PPP1R12B: variants seen among roughly 807,000 people sequenced by gnomAD.
PPP1R12B encodes protein phosphatase 1 regulatory subunit 12B.
In PPP1R12B, 76 loss-of-function variants were observed where a neutral mutation model predicts 126.1. The observed-to-expected ratio is 0.60, with a 90% CI of 0.50 to 0.73. The LOEUF (loss-of-function observed/expected upper bound fraction) is 0.73, where lower values mean the gene tolerates loss of function less well. Among genes scored for constraint, PPP1R12B ranks in the 30% least tolerant of loss-of-function variants. The pLI, the probability that PPP1R12B is intolerant of heterozygous loss-of-function variation, is 0.00. For missense variants in PPP1R12B, 1,052 were observed against 1,205.1 expected (o/e 0.87, Z 1.88); for synonymous variants, 356 against 434.7 (o/e 0.82, Z 2.25).
intron 1 of PPP1R12B, among the ~76,000 whole-genome samples, chr1:202,399,314 G>A (rs1179369951): frequency 1.3e-5 from 2 of 152,064 alleles, no homozygotes; most frequent in African/African-American, 4.8e-5. Flanking sequence ...TCATTTTCCT[G>A]GGCCTAAGCG....
chr1:202,463,122 T>C, intron 13 of PPP1R12B: 1 of 938,142 alleles, frequency 1.1e-6, no homozygotes, highest in Non-Finnish European at 1.3e-6. Context: ...TTTGATAGCT[T>C]TAATGTCCTA....
At chr1:202,567,655 AG>A in intron 21 of PPP1R12B, 122 bp from the exon 22 acceptor site, 2 of 970,236 alleles carry the variant, frequency 2.1e-6, no homozygotes, top group South Asian at 1.6e-5. Flanking sequence ...TCCCTGCTAT[AG>A]GGGAAGTCCA....
At chr1:202,517,566 G>A (rs1682299235) in intron 18 of PPP1R12B, among the ~76,000 whole-genome samples, 1 of 151,840 alleles carries the variant, frequency 6.6e-6, no homozygotes, top group South Asian at 2.1e-4. Context: ...CAATTAACAT[G>A]CATAAGAAAA....
At chr1:202,359,378 C>T (rs1657733299) in intron 1 of PPP1R12B, among the ~76,000 whole-genome samples, 1 of 152,072 alleles carries the variant, frequency 6.6e-6, no homozygotes, top group Non-Finnish European at 1.5e-5. Context: ...GGTGATCCAC[C>T]TGCCTCAGCC....
chr1:202,475,899 T>C (rs1214123327), intron 13 of PPP1R12B, among the ~76,000 whole-genome samples: 1 of 152,018 alleles, frequency 6.6e-6, no homozygotes, highest in Non-Finnish European at 1.5e-5. Context: ...TGTAATCTTA[T>C]GTTAATACAC....
intron 1 of PPP1R12B, among the ~76,000 whole-genome samples, chr1:202,399,320 A>G (rs2148554291): frequency 6.6e-6 from 1 of 152,148 alleles, no homozygotes; most frequent in South Asian, 2.1e-4. Flanking sequence ...TCCTGGGCCT[A>G]AGCGATCCCC....
At chr1:202,378,104 C>G (rs939216926) in intron 1 of PPP1R12B, among the ~76,000 whole-genome samples, 1 of 152,070 alleles carries the variant, frequency 6.6e-6, no homozygotes, top group African/African-American at 2.4e-5. Context: ...TCCCAAAGTA[C>G]TGGGATTACA....
At chr1:202,351,283 G>A (rs565089392) in intron 1 of PPP1R12B, among the ~76,000 whole-genome samples, 1 of 119,556 alleles carries the variant, frequency 8.4e-6, no homozygotes, top group South Asian at 3.2e-4. Flanking sequence ...CTCCCAGGCT[G>A]GAGTACAGTG....
At position 202,562,908 on chromosome 1, in the gene PPP1R12B, A is replaced by C. The variant is rs1300680336; in HGVS notation, c.2638A>C (p.Arg880=). Residue 880 remains arginine (R), a synonymous_variant, in exon 20 of 24, where the codon AGA becomes CGA. Coordinates refer to ENST00000608999, the MANE Select transcript of PPP1R12B (RefSeq NM_002481.4). ...CAGCCGTGTAGAAGAAGACAGCAAC[A>C]GAGATTATAAAAAAGTAGGGTCTTT... ...LTSRVEEDSN[R]DYKKLYESAL... The C allele has an allele frequency of 6.3e-7, 1 of 1,575,742 alleles. No homozygotes were observed. Among genetic ancestry groups the C allele is most frequent in the African/African-American group, 1.4e-5 (1 of 72,634 alleles).
chr1:202,553,863 T>G (rs1373349173), intron 18 of PPP1R12B, among the ~76,000 whole-genome samples: 2 of 152,132 alleles, frequency 1.3e-5, no homozygotes, highest in Non-Finnish European at 2.9e-5. Flanking sequence ...ACTGTTCCCC[T>G]GAGATTACTT....
intron 3 of PPP1R12B, among the ~76,000 whole-genome samples, chr1:202,424,032 C>G (rs547771464): frequency 6.6e-6 from 1 of 152,172 alleles, no homozygotes; most frequent in African/African-American, 2.4e-5. Context: ...TAACCTCCAG[C>G]CTCAATCAGT....
chr1:202,349,336 G>T lies in PPP1R12B; in HGVS notation c.291+194G>T, dbSNP rs548941031. 2.0e-5 allele frequency among the ~76,000 whole-genome samples: 3 copies of T among 152,220 alleles called. No homozygotes were observed. The East Asian group carries it at 5.8e-4, about 29-fold the overall frequency. On this transcript the variant is annotated intron_variant, in intron 1 of 23. Coordinates refer to ENST00000608999, the MANE Select transcript of PPP1R12B (RefSeq NM_002481.4). ...TCTTTTTCTGACCCCAGGGTCTTAG[G>T]AATAGCGTCACCCCGCTGCTTGGTC...
At chr1:202,485,416 G>A (rs193220647) in intron 13 of PPP1R12B, among the ~76,000 whole-genome samples, 8 of 151,666 alleles carry the variant, frequency 5.3e-5, no homozygotes, top group Admixed American at 3.3e-4. Context: ...TGTGAGGGTG[G>A]GGGGCAGGGG....
intron 1 of PPP1R12B, among the ~76,000 whole-genome samples, chr1:202,354,164 C>T (rs1558118870): frequency 6.6e-6 from 1 of 152,056 alleles, no homozygotes; most frequent in African/African-American, 2.4e-5. Flanking sequence ...TGTAGTGTAG[C>T]ATCGTATGAG....
At chr1:202,440,564 T>C in intron 10 of PPP1R12B, 142 bp from the exon 11 acceptor site, 1 of 591,546 alleles carries the variant, frequency 1.7e-6, no homozygotes, top group East Asian at 3.0e-5. Flanking sequence ...TAACCTTTTG[T>C]AAATACCACT....
At chr1:202,354,775 G>T (rs1282939630) in intron 1 of PPP1R12B, among the ~76,000 whole-genome samples, 1 of 150,932 alleles carries the variant, frequency 6.6e-6, no homozygotes, top group Non-Finnish European at 1.5e-5. Flanking sequence ...AGCCTCCTGA[G>T]TAGCTGGGAT....
At chr1:202,439,551 A>C (rs1572030784) in intron 10 of PPP1R12B, 1 of 1,506,124 alleles carries the variant, frequency 6.6e-7, no homozygotes, top group Non-Finnish European at 9.1e-7. Flanking sequence ...CTCTGTGGTC[A>C]CTCCTGCCAG....
chr1:202,425,834 T>C, intron 4 of PPP1R12B, 109 bp downstream of exon 4: 2 of 1,081,860 alleles, frequency 1.8e-6, no homozygotes, highest in South Asian at 1.5e-5. Context: ...TCCTTTTTTG[T>C]TGGTTTCCTC....
In PPP1R12B at chr1:202,554,094, T is replaced by C. The variant is rs376620434; in HGVS notation, c.2491-4783T>C. On this transcript the variant is annotated intron_variant, in intron 18 of 23. Transcript: ENST00000608999. ...TACCCAAGAAACCCCATCTTCTCTC[T>C]CCCTAAATCCAACTAGTGTTTTTTC... Among the ~76,000 whole-genome samples, 613 of 152,250 alleles carry C rather than the reference T, an allele frequency of 4.0e-3. 1 individual carries two copies. Among genetic ancestry groups the C allele is most frequent in the Non-Finnish European group, 7.0e-3 (478 of 68,022 alleles).
Sources: allele counts gnomAD v4.1 joint callset (sites outside exome capture counted in the v4.1 genomes callset), GRCh38; gene constraint gnomAD v4.1.1; transcripts MANE v1.5; gene names NCBI Gene and HGNC (gene_info 2026-07-23, HGNC 2026-07-21).